Variants in EYS observed in about 807,000 individuals in gnomAD.
EYS encodes EGF-like photoreceptor maintenance factor.
Under a neutral mutation model 282.1 loss-of-function variants are expected in EYS, and 250 were observed. The observed-to-expected ratio is 0.89, with a 90% confidence interval of 0.80 to 0.98. The LOEUF (loss-of-function observed/expected upper bound fraction) is 0.98. EYS is among the 50% of genes least tolerant of loss of function. EYS has a pLI of 0.00. For synonymous variants in EYS, 1,355 were observed against 1,282.9 expected (o/e 1.06, Z -1.20); for missense variants, 4,016 against 3,709.0 (o/e 1.08, Z -2.15).
intron 30 of EYS, among the ~76,000 whole-genome samples, chr6:64,284,909 C>A (rs549443506): frequency 6.6e-6 from 1 of 152,234 alleles, no homozygotes; most frequent in Non-Finnish European, 1.5e-5. Context: ...TGGGACCTGC[C>A]CACAAAACCA....
intron 26 of EYS, among the ~76,000 whole-genome samples, chr6:64,527,542 G>A (rs1017046883): frequency 3.3e-5 from 5 of 151,644 alleles, no homozygotes; most frequent in African/African-American, 4.8e-5. Flanking sequence ...TGATATCTTA[G>A]GTAAACAAGC....
intron 15 of EYS, among the ~76,000 whole-genome samples, chr6:64,916,295 A>G (rs1172111200): frequency 6.6e-6 from 1 of 152,198 alleles, no homozygotes; most frequent in Non-Finnish European, 1.5e-5. Flanking sequence ...TATGTGCTGA[A>G]GGTTTGTTTT....
intron 31 of EYS, among the ~76,000 whole-genome samples, chr6:64,182,668 T>C (rs901097394): frequency 3.3e-5 from 5 of 152,156 alleles, no homozygotes; most frequent in African/African-American, 1.2e-4. Context: ...AGCTTCCTCT[T>C]AACCTCAAGG....
Position 65,405,422 on chromosome 6 carries a change from A to G in EYS, c.863-55T>C, listed in dbSNP as rs184572888. ...AGAAAAGGAAGGAAGGAAAGAAGAAATGAGCATAGATATGTAGCAAAACAT... is the reference window on the plus strand; with the variant it reads ...AGAAAAGGAAGGAAGGAAAGAAGAAGTGAGCATAGATATGTAGCAAAACAT... On this transcript the variant is annotated intron_variant, in intron 5 of 42. Transcript: ENST00000503581. 1,339 of 1,369,896 alleles carry G rather than the reference A, an allele frequency of 9.8e-4. 21 individuals carry two copies. The East Asian group carries it at 0.023, about 24-fold the overall frequency. 84.9% of individuals were successfully genotyped at this position (1,369,896 alleles called of 1,614,324 possible). A position where few individuals can be genotyped will look rare whatever the true frequency, so the allele number is the denominator to read the frequency against.
intron 13 of EYS, among the ~76,000 whole-genome samples, chr6:65,046,519 AATTC>A: frequency 6.6e-6 from 1 of 151,758 alleles, no homozygotes; most frequent in African/African-American, 2.4e-5. Flanking sequence ...AGTAATTGTA[AATTC>A]ATGTTTCATA....
At position 64,364,991 on chromosome 6, in the gene EYS, C is replaced by T. The variant is rs369411731; in HGVS notation, c.6078+23699G>A. Among the ~76,000 whole-genome samples the T allele has an allele frequency of 1.1e-4, 16 of 151,658 alleles. No homozygotes were observed. The East Asian group carries it at 1.2e-3, about 11-fold the overall frequency. On this transcript the variant is annotated intron_variant, in intron 29 of 42. Coordinates refer to ENST00000503581, the MANE Select transcript of EYS (RefSeq NM_001142800.2). ...ATAAGTTTTTGTTTTTTTTACTCTT[C>T]GAGTATCATTCAATTTACTTGTGTT...
intron 36 of EYS, among the ~76,000 whole-genome samples, chr6:63,855,356 G>A (rs1248172176): frequency 6.6e-6 from 1 of 152,170 alleles, no homozygotes; most frequent in East Asian, 1.9e-4. Flanking sequence ...TTAGTCCAAT[G>A]CCTAGCTTAT....
intron 35 of EYS, among the ~76,000 whole-genome samples, chr6:63,932,252 AT>A (rs1046277700): frequency 6.6e-6 from 1 of 152,174 alleles, no homozygotes; most frequent in Non-Finnish European, 1.5e-5. Flanking sequence ...TTTTAGCTTG[AT>A]TTTTTATCTT....
At chr6:63,908,032 ACGTTTGTGTGTG>A (rs1562090527) in intron 35 of EYS, among the ~76,000 whole-genome samples, 41 of 47,452 alleles carry the variant, frequency 8.6e-4, no homozygotes, top group African/African-American at 2.6e-3. Flanking sequence ...ATATATATAT[ACGTTTGTGTGTG>A]TGTGTGTGTG....
chr6:65,393,150 C>T (rs1002066171), intron 7 of EYS, among the ~76,000 whole-genome samples: 2 of 147,770 alleles, frequency 1.4e-5, no homozygotes, highest in Non-Finnish European at 3.0e-5. Context: ...GGAAGGGGAA[C>T]ATCACACTCT....
chr6:64,502,519 G>C (rs1281861888), intron 26 of EYS, among the ~76,000 whole-genome samples: 1 of 152,192 alleles, frequency 6.6e-6, no homozygotes, highest in African/African-American at 2.4e-5. Context: ...ACTGCGCTCG[G>C]CCGGAGGCTG....
chr6:64,834,593 T>G (rs746394300), intron 19 of EYS, among the ~76,000 whole-genome samples: 1 of 151,802 alleles, frequency 6.6e-6, no homozygotes, highest in Admixed American at 6.6e-5. Flanking sequence ...TGGAGGTGCT[T>G]GCTTTAATCC....
chr6:64,248,723 A>G (rs1171535017), intron 30 of EYS, among the ~76,000 whole-genome samples: 1 of 152,154 alleles, frequency 6.6e-6, no homozygotes, highest in Non-Finnish European at 1.5e-5. Context: ...CAACAATCCT[A>G]CTACTGGGTA....
chr6:64,223,336 A>G (rs958501862), intron 31 of EYS, among the ~76,000 whole-genome samples: 10 of 152,080 alleles, frequency 6.6e-5, no homozygotes, highest in African/African-American at 2.4e-4. Flanking sequence ...TAAAAGGACA[A>G]TTAGTAAATT....
chr6:65,251,407 A>G (rs1386170231), intron 12 of EYS, among the ~76,000 whole-genome samples: 1 of 151,596 alleles, frequency 6.6e-6, no homozygotes, highest in Non-Finnish European at 1.5e-5. Flanking sequence ...TAGAGAAAAA[A>G]TTATTTTCAA....
At position 63,720,948 on chromosome 6, in the gene EYS, ATTCT is replaced by A. The variant is rs1427770112; in HGVS notation, c.9079_9082del (p.Arg3027SerfsTer5). 3 of 1,551,316 alleles carry A rather than the reference ATTCT, an allele frequency of 1.9e-6. No individual in the cohort carries two copies. The highest frequency in any genetic ancestry group is 1.7e-6 in the Non-Finnish European group (2 of 1,146,752). Reference sequence around the variant, plus strand: ...ATTGTTATAGCTCATAGGCACAGAGATTCTTTCTCCCAAGTTAACTGCTATTTTC... The same window carrying A: ...ATTGTTATAGCTCATAGGCACAGAGATTCTCCCAAGTTAACTGCTATTTTC... On this transcript the variant is annotated frameshift_variant, in exon 43 of 43. Transcript: ENST00000503581. LOFTEE classifies it high-confidence loss of function.
At position 64,739,400 on chromosome 6, in the gene EYS, T is replaced by C. The variant is rs541025983; in HGVS notation, c.3443+73978A>G. On this transcript the variant is annotated intron_variant, in intron 22 of 42. Transcript: ENST00000503581. Reference sequence around the variant, plus strand: ...CAACCAAGGAAGATAATTATTTTTATGAGTTAAACTGCAGGTTTTTCTTTA... The same window carrying C: ...CAACCAAGGAAGATAATTATTTTTACGAGTTAAACTGCAGGTTTTTCTTTA... Among the ~76,000 whole-genome samples the C allele has an allele frequency of 2.6e-5, 4 of 152,344 alleles. No homozygotes were observed. In the South Asian group the frequency reaches 8.3e-4, roughly 32 times the overall value.
At chr6:65,256,291 A>ATAATTT (rs147434824) in intron 12 of EYS, among the ~76,000 whole-genome samples, 1 of 144,254 alleles carries the variant, frequency 6.9e-6, no homozygotes, top group African/African-American at 2.6e-5. Flanking sequence ...TTTTTTAATT[A>ATAATTT]AAGTTTTAGG....
intron 28 of EYS, among the ~76,000 whole-genome samples, chr6:64,403,358 A>G (rs1177375625): frequency 6.6e-6 from 1 of 152,064 alleles, no homozygotes; most frequent in Non-Finnish European, 1.5e-5. Context: ...AAAAAAACAA[A>G]GTAATTTTTT....
Sources: gnomAD v4.1 joint callset for allele counts (sites outside exome capture counted in the v4.1 genomes callset) on GRCh38, gnomAD v4.1.1 for gene constraint, MANE v1.5 for transcripts, NCBI Gene and HGNC (gene_info 2026-07-23, HGNC 2026-07-21) for gene names.